The following SLC38A9 variants were observed in gnomAD, a reference collection of about 807,000 sequenced individuals.
SLC38A9 encodes neutral amino acid transporter 9.
Under a neutral mutation model 62.3 loss-of-function variants are expected in SLC38A9, and 48 were observed. The ratio of observed to expected loss-of-function variants is 0.77; its 90% CI spans 0.61 to 0.98. The LOEUF is 0.98. SLC38A9 is among the 50% of genes least tolerant of loss of function. The pLI is 0.00. For missense variants in SLC38A9, 541 were observed against 679.8 expected (o/e 0.80, Z 2.27); for synonymous variants, 204 against 227.7 (o/e 0.90, Z 0.94).
At chr5:55,688,300 TAGG>T (rs1355861136) in intron 3 of SLC38A9, among the ~76,000 whole-genome samples, 1 of 152,028 alleles carries the variant, frequency 6.6e-6, no homozygotes, top group Non-Finnish European at 1.5e-5. Context: ...CTATGTTGAA[TAGG>T]AGTAGTGAGG....
At chr5:55,661,261 G>A (rs557214417) in intron 8 of SLC38A9, among the ~76,000 whole-genome samples, 140 of 151,838 alleles carry the variant, frequency 9.2e-4, no homozygotes, top group African/African-American at 3.1e-3. Flanking sequence ...TGGCTAACAC[G>A]GTGAAACTCC....
intron 3 of SLC38A9, chr5:55,691,347 G>T: frequency 7.0e-7 from 1 of 1,426,560 alleles, no homozygotes; most frequent in African/African-American, 1.4e-5. Context: ...AGAAAAATAT[G>T]GTTTACAAAG....
At chr5:55,629,859 A>C (rs1359770246) in intron 14 of SLC38A9, among the ~76,000 whole-genome samples, 1 of 152,202 alleles carries the variant, frequency 6.6e-6, no homozygotes, top group East Asian at 1.9e-4. Context: ...GGCTCTTGTG[A>C]TGAAATTAGT....
At chr5:55,633,010 T>C (rs976479369) in intron 14 of SLC38A9, among the ~76,000 whole-genome samples, 14 of 132,174 alleles carry the variant, frequency 1.1e-4, no homozygotes, top group South Asian at 2.4e-4. Flanking sequence ...CCTTTTCTCC[T>C]TTTTTTTTTT....
intron 8 of SLC38A9, among the ~76,000 whole-genome samples, chr5:55,660,738 C>CAT (rs1363252313): frequency 6.6e-6 from 1 of 151,876 alleles, no homozygotes; most frequent in Non-Finnish European, 1.5e-5. Context: ...ACAGATAAAG[C>CAT]ATATATATGC....
chr5:55,646,777 G>A (rs140804218), intron 11 of SLC38A9, among the ~76,000 whole-genome samples: 28 of 152,146 alleles, frequency 1.8e-4, no homozygotes, highest in African/African-American at 4.1e-4. Flanking sequence ...TTGAGATAGG[G>A]TCTCACTCTG....
At chr5:55,697,535 AGCATATTACCTTGC>A (rs1756057216) in intron 3 of SLC38A9, among the ~76,000 whole-genome samples, 1 of 152,054 alleles carries the variant, frequency 6.6e-6, no homozygotes, top group African/African-American at 2.4e-5. Flanking sequence ...TCGAGCACTT[AGCATATTACCTTGC>A]GCAAAGTGGG....
intron 12 of SLC38A9, 88 bp downstream of exon 12, chr5:55,645,701 G>A (rs1264957357): frequency 2.3e-6 from 2 of 888,302 alleles, no homozygotes; most frequent in Admixed American, 2.8e-5. Flanking sequence ...TTGCCTAATT[G>A]TACTCTAAAT....
At chr5:55,638,497 G>C (rs1420074071) in intron 12 of SLC38A9, among the ~76,000 whole-genome samples, 1 of 152,156 alleles carries the variant, frequency 6.6e-6, no homozygotes. Context: ...TGGCTGGCAG[G>C]GTTGACGGTA....
At chr5:55,646,219 T>C (rs1033383769) in intron 11 of SLC38A9, among the ~76,000 whole-genome samples, 1 of 152,040 alleles carries the variant, frequency 6.6e-6, no homozygotes, top group Non-Finnish European at 1.5e-5. Context: ...TTACTAAAAA[T>C]ACAAAAATTA....
rs190785022 is a variant in SLC38A9 at position 55,678,785 on chromosome 5, C to T, written c.114-6090G>A. Reference sequence around the variant, plus strand: ...AAGTAATCCTCCTGCCTCAGCCTCCCGAGTAGCTGGGACTACAGGCATGTG... The same window carrying T: ...AAGTAATCCTCCTGCCTCAGCCTCCTGAGTAGCTGGGACTACAGGCATGTG... On this transcript the variant is annotated intron_variant, in intron 3 of 15. Coordinates refer to ENST00000396865, the MANE Select transcript of SLC38A9 (RefSeq NM_173514.4). 7.5e-4 allele frequency among the ~76,000 whole-genome samples: 113 copies of T among 150,532 alleles called. No homozygotes were observed. In the East Asian group the frequency reaches 0.013, roughly 18 times the overall value.
chr5:55,672,742 C>G, intron 3 of SLC38A9, 47 bp from the exon 4 acceptor site: 1 of 1,583,460 alleles, frequency 6.3e-7, no homozygotes, highest in Non-Finnish European at 8.6e-7. Context: ...GCCAAAAATT[C>G]TGGAAGTCAG....
rs1289648245 is a variant in SLC38A9 at position 55,626,201 on chromosome 5, G to C, written c.*293C>G. 1 of 217,056 alleles carries C rather than the reference G, an allele frequency of 4.6e-6. No individual in the cohort carries two copies. Among genetic ancestry groups the C allele is most frequent in the Non-Finnish European group, 9.1e-6 (1 of 109,534 alleles). The allele number at this position is 217,056 out of a possible 1,614,324, so 13.4% of individuals were successfully genotyped here. On this transcript the variant is annotated 3_prime_UTR_variant, in exon 16 of 16. Coordinates refer to ENST00000396865, the MANE Select transcript of SLC38A9 (RefSeq NM_173514.4). ...AATCCACCACCTTTTATCTCTAAAA[G>C]CAAAACCCAGCATGATTTCTTCCTA...
intron 3 of SLC38A9, among the ~76,000 whole-genome samples, chr5:55,689,437 C>T (rs1754416350): frequency 6.6e-6 from 1 of 152,176 alleles, no homozygotes; most frequent in Non-Finnish European, 1.5e-5. Flanking sequence ...CATGTGCCTC[C>T]ATCAATTCAA....
chr5:55,647,090 G>A (rs569531358), intron 11 of SLC38A9, among the ~76,000 whole-genome samples: 1 of 152,120 alleles, frequency 6.6e-6, no homozygotes, highest in Admixed American at 6.5e-5. Context: ...ATAGATGTGT[G>A]TATGCAAAGA....
chr5:55,672,467 A>T, intron 4 of SLC38A9, 96 bp downstream of exon 4: 1 of 1,387,212 alleles, frequency 7.2e-7, no homozygotes, highest in Non-Finnish European at 9.9e-7. Flanking sequence ...AAATACAGTC[A>T]GAAAGAAGTT....
intron 5 of SLC38A9, 24 bp from the exon 6 acceptor site, chr5:55,669,644 T>TA (rs1241661601): frequency 3.1e-6 from 5 of 1,595,530 alleles, no homozygotes; most frequent in Admixed American, 1.8e-5. Context: ...GTAATAGCAG[T>TA]AAAAAAATGG....
At chr5:55,703,000 G>T (rs1671303595) in intron 2 of SLC38A9, 1 of 151,952 alleles carries the variant, frequency 6.6e-6, no homozygotes, top group Non-Finnish European at 1.5e-5. Context: ...AACAAGAAGG[G>T]CTTTATTTCT....
chr5:55,641,908 ATTTGAACAAATG>A (rs1264277634), intron 12 of SLC38A9, among the ~76,000 whole-genome samples: 1 of 152,254 alleles, frequency 6.6e-6, no homozygotes, highest in Non-Finnish European at 1.5e-5. Flanking sequence ...GGTAACTGAG[ATTTGAACAAATG>A]TTGTTAGGAG....
Sources: gnomAD v4.1 joint callset for allele counts (sites outside exome capture counted in the v4.1 genomes callset) on GRCh38, gnomAD v4.1.1 for gene constraint, MANE v1.5 for transcripts, NCBI Gene and HGNC (gene_info 2026-07-23, HGNC 2026-07-21) for gene names.